Variants in TPRG1 observed in about 807,000 individuals in gnomAD.
TPRG1 encodes the protein tumor protein p63-regulated gene 1 protein.
TPRG1 carries 29 observed loss-of-function variants against 29.3 expected under a neutral mutation model. The ratio of observed to expected loss-of-function variants is 0.99; its 90% CI spans 0.74 to 1.35. TPRG1 has a LOEUF of 1.35. TPRG1 is among the 40% of genes most tolerant of loss of function. TPRG1 has a pLI of 0.00. For synonymous variants in TPRG1, 130 were observed against 116.8 expected, an observed-to-expected ratio of 1.11 and a Z score of -0.73; for missense variants, 327 against 335.0, an observed-to-expected ratio of 0.98 and a Z score of 0.19.
intron 4 of TPRG1, among the ~76,000 whole-genome samples, chr3:189,280,161 A>G (rs1716866310): frequency 6.6e-6 from 1 of 152,108 alleles, no homozygotes; most frequent in Non-Finnish European, 1.5e-5. Context: ...CCTGTTGTAA[A>G]CAACAGGACT....
At chr3:189,104,806 T>C (rs533466356) in intron 1 of TPRG1, among the ~76,000 whole-genome samples, 1 of 152,240 alleles carries the variant, frequency 6.6e-6, no homozygotes, top group East Asian at 1.9e-4. Flanking sequence ...CTTTGTCTCA[T>C]ATTTAAAATG....
chr3:189,078,759 CTA>C (rs1717391915), intron 4 of TPRG1, among the ~76,000 whole-genome samples: 1 of 152,240 alleles, frequency 6.6e-6, no homozygotes. Flanking sequence ...CCACCACACA[CTA>C]GCTGTGCTAC....
chr3:189,063,908 T>A lies in TPRG1; in HGVS notation c.-463+39962T>A, dbSNP rs866072543. ...TTATACTCATGATTGTGGTTTATTA[T>A]AGTAAAGGGTCCCAAGAAAAATCAG... On this transcript the variant is annotated intron_variant, in intron 4 of 10. Transcript: ENST00000433971. Among the ~76,000 whole-genome samples, 29 of 152,148 alleles carry A rather than the reference T, an allele frequency of 1.9e-4. 1 individual carries two copies. The highest frequency in any genetic ancestry group is 6.8e-4 in the African/African-American group (28 of 41,454).
chr3:189,128,940 C>T (rs888312220), intron 2 of TPRG1, among the ~76,000 whole-genome samples: 1 of 152,094 alleles, frequency 6.6e-6, no homozygotes, highest in Non-Finnish European at 1.5e-5. Flanking sequence ...CGGCCCAACT[C>T]AGTTATCTTT....
At position 189,133,258 on chromosome 3, in the gene TPRG1, C is replaced by T. The variant is rs143912476; in HGVS notation, c.-291+561C>T. 3.3e-5 allele frequency among the ~76,000 whole-genome samples: 5 copies of T among 152,198 alleles called. No individual in the cohort carries two copies. In the East Asian group the frequency reaches 9.6e-4, roughly 29 times the overall value. On this transcript the variant is annotated intron_variant, in intron 3 of 6. Coordinates refer to the TPRG1 transcript ENST00000412373. ...AAGATTTGAAGTCTTATGCTGTGTGCTAGGGAGACAGGGAGAGAAGAAGTA... is the reference window on the plus strand; with the variant it reads ...AAGATTTGAAGTCTTATGCTGTGTGTTAGGGAGACAGGGAGAGAAGAAGTA...
chr3:189,003,198 A>C (rs949928831), intron 2 of TPRG1, among the ~76,000 whole-genome samples: 1 of 152,106 alleles, frequency 6.6e-6, no homozygotes, highest in South Asian at 2.1e-4. Flanking sequence ...GCTAGTGTTC[A>C]GGTAGTCGCA....
At chr3:189,317,602 A>C (rs1480506634) in intron 5 of TPRG1, among the ~76,000 whole-genome samples, 1 of 152,210 alleles carries the variant, frequency 6.6e-6, no homozygotes, top group East Asian at 1.9e-4. Flanking sequence ...GCCCAAAGTC[A>C]CACAGCTATG....
chr3:189,073,146 T>C (rs1560427459), intron 4 of TPRG1, among the ~76,000 whole-genome samples: 1 of 152,202 alleles, frequency 6.6e-6, no homozygotes, highest in Non-Finnish European at 1.5e-5. Flanking sequence ...GTGAGTGCAC[T>C]GTTTTAAGAG....
At chr3:189,045,157 C>T (rs538836655) in intron 4 of TPRG1, among the ~76,000 whole-genome samples, 8 of 152,268 alleles carry the variant, frequency 5.3e-5, no homozygotes, top group African/African-American at 1.9e-4. Flanking sequence ...TTTTTAAAAA[C>T]ATTACACTAA....
At chr3:189,145,520 A>C (rs2108582378) in intron 3 of TPRG1, among the ~76,000 whole-genome samples, 1 of 152,294 alleles carries the variant, frequency 6.6e-6, no homozygotes, top group Non-Finnish European at 1.5e-5. Flanking sequence ...AGTAACATTG[A>C]ACAGAGACTT....
At chr3:189,006,722 T>C (rs560273513) in intron 3 of TPRG1, among the ~76,000 whole-genome samples, 1 of 152,108 alleles carries the variant, frequency 6.6e-6, no homozygotes, top group African/African-American at 2.4e-5. Flanking sequence ...TAAAAAAAAA[T>C]GTAGTAATTT....
At chr3:189,049,034 A>G (rs1004795373) in intron 4 of TPRG1, among the ~76,000 whole-genome samples, 6 of 152,120 alleles carry the variant, frequency 3.9e-5, no homozygotes, top group African/African-American at 1.4e-4. Context: ...CACCACAGCG[A>G]TCCACTGGGA....
intron 4 of TPRG1, among the ~76,000 whole-genome samples, chr3:189,273,856 A>C (rs1399053376): frequency 6.6e-6 from 1 of 152,176 alleles, no homozygotes; most frequent in Admixed American, 6.5e-5. Context: ...TTAAATGAAA[A>C]GCATGCTTAC....
chr3:189,131,118 T>C (rs1723066790), intron 2 of TPRG1, among the ~76,000 whole-genome samples: 1 of 152,232 alleles, frequency 6.6e-6, no homozygotes, highest in Admixed American at 6.5e-5. Flanking sequence ...GTAATAATCT[T>C]ACCTTTTACT....
intron 5 of TPRG1, among the ~76,000 whole-genome samples, chr3:189,162,156 C>T (rs965232463): frequency 6.6e-6 from 1 of 152,096 alleles, no homozygotes; most frequent in African/African-American, 2.4e-5. Context: ...CCATGCCTGG[C>T]TAATTTTTTT....
chr3:189,233,862 G>A (rs956878843), intron 3 of TPRG1, among the ~76,000 whole-genome samples: 1 of 152,100 alleles, frequency 6.6e-6, no homozygotes, highest in African/African-American at 2.4e-5. Flanking sequence ...AGAGGCATGT[G>A]CACATTGATT....
chr3:189,109,032 TAGAG>T (rs773775585), intron 1 of TPRG1, among the ~76,000 whole-genome samples: 11 of 151,910 alleles, frequency 7.2e-5, no homozygotes, highest in Non-Finnish European at 1.5e-4. Flanking sequence ...CAGGGGAACT[TAGAG>T]AGTTTTGCGG....
chr3:189,077,087 G>C (rs1424595595), intron 4 of TPRG1, among the ~76,000 whole-genome samples: 1 of 152,134 alleles, frequency 6.6e-6, no homozygotes, highest in African/African-American at 2.4e-5. Flanking sequence ...GCTGTTCTGA[G>C]TGAAAATGCT....
chr3:189,217,456 G>T (rs1736244589), intron 3 of TPRG1, among the ~76,000 whole-genome samples: 1 of 152,192 alleles, frequency 6.6e-6, no homozygotes, highest in African/African-American at 2.4e-5. Context: ...TTTGCTTGCA[G>T]ACTTTCTTCC....
Sources: allele counts gnomAD v4.1 joint callset (sites outside exome capture counted in the v4.1 genomes callset), GRCh38; gene constraint gnomAD v4.1.1; transcripts MANE v1.5; gene names NCBI Gene and HGNC (gene_info 2026-07-23, HGNC 2026-07-21).